The following DEPTOR variants were observed in gnomAD, a reference collection of about 807,000 sequenced individuals.
DEPTOR encodes the protein DEP domain-containing mTOR-interacting protein.
Under a neutral mutation model 41.6 loss-of-function variants are expected in DEPTOR, and 41 were observed. That is an observed-to-expected ratio of 0.98 (90% CI 0.77 to 1.28). DEPTOR has a LOEUF of 1.28. Among genes scored for constraint, DEPTOR ranks in the 50% most tolerant of loss-of-function variants. DEPTOR has a pLI of 0.00. For missense variants in DEPTOR, 514 were observed against 527.9 expected (o/e 0.97, Z 0.26); for synonymous variants, 195 against 192.3 (o/e 1.01, Z -0.12).
chr8:119,900,930 G>A (rs1256051770), intron 1 of DEPTOR, among the ~76,000 whole-genome samples: 1 of 152,112 alleles, frequency 6.6e-6, no homozygotes, highest in Non-Finnish European at 1.5e-5. Flanking sequence ...TCTAGGCATA[G>A]AGTAGAATAT....
intron 3 of DEPTOR, among the ~76,000 whole-genome samples, chr8:119,941,581 AGAG>A (rs1257629503): frequency 6.6e-6 from 1 of 152,158 alleles, no homozygotes; most frequent in Non-Finnish European, 1.5e-5. Context: ...GTTTTTGATC[AGAG>A]GAGTTGAAGA....
intron 4 of DEPTOR, among the ~76,000 whole-genome samples, chr8:119,994,577 A>G (rs950351709): frequency 3.9e-5 from 6 of 152,082 alleles, no homozygotes; most frequent in Non-Finnish European, 8.8e-5. Context: ...TACGTTTTTC[A>G]TAGGTAAAAG....
chr8:119,927,887 A>G (rs1827982964), intron 1 of DEPTOR, among the ~76,000 whole-genome samples: 3 of 152,020 alleles, frequency 2.0e-5, no homozygotes. Flanking sequence ...GATTACAGAT[A>G]TGAGCCACCA....
chr8:119,898,172 A>G (rs555894774), intron 1 of DEPTOR, among the ~76,000 whole-genome samples: 2 of 152,336 alleles, frequency 1.3e-5, no homozygotes, highest in East Asian at 3.9e-4. Flanking sequence ...TAGTTGCAAC[A>G]GAAATTGTGT....
At chr8:119,981,652 C>CAAAAAA (rs33975978) in intron 4 of DEPTOR, among the ~76,000 whole-genome samples, 1 of 136,878 alleles carries the variant, frequency 7.3e-6, no homozygotes, top group Non-Finnish European at 1.5e-5. Context: ...GACCCTATCT[C>CAAAAAA]AAAAAAAAAA....
chr8:119,981,236 C>G, intron 4 of DEPTOR, among the ~76,000 whole-genome samples: 1 of 152,194 alleles, frequency 6.6e-6, no homozygotes, highest in East Asian at 1.9e-4. Flanking sequence ...ACTGAATTAA[C>G]ACCAAATTCT....
At chr8:119,972,494 G>A (rs1828645419) in intron 4 of DEPTOR, among the ~76,000 whole-genome samples, 2 of 151,966 alleles carry the variant, frequency 1.3e-5, no homozygotes, top group Non-Finnish European at 2.9e-5. Flanking sequence ...GTGGTAGCAT[G>A]TGCCGGTAGT....
At chr8:119,882,332 T>C (rs1222355372) in intron 1 of DEPTOR, among the ~76,000 whole-genome samples, 1 of 152,160 alleles carries the variant, frequency 6.6e-6, no homozygotes. Flanking sequence ...TCCTGTTGTG[T>C]TATTTCTTTT....
chr8:120,014,359 A>C (rs553246026), intron 8 of DEPTOR, among the ~76,000 whole-genome samples: 1 of 152,248 alleles, frequency 6.6e-6, no homozygotes, highest in South Asian at 2.1e-4. Flanking sequence ...TGTCTCTTCT[A>C]TGTACCTGAC....
In DEPTOR at chr8:119,970,593, G is replaced by A. The variant is rs141385669; in HGVS notation, c.604+5183G>A. Among the ~76,000 whole-genome samples, 448 of 152,174 alleles carry A rather than the reference G, an allele frequency of 2.9e-3. 8 individuals are homozygous for A. Among genetic ancestry groups the A allele is most frequent in the Non-Finnish European group, 2.2e-3 (149 of 68,012 alleles). On this transcript the variant is annotated intron_variant, in intron 4 of 8. Coordinates refer to ENST00000286234, the MANE Select transcript of DEPTOR (RefSeq NM_022783.4). ...GCATCTTATAACTTTCCCATTCCTC[G>A]GATTTTGAAACTATAAAATTAGAGT... is the stretch of plus-strand genomic sequence containing the variant.
chr8:120,000,943 G>A (rs928982561), intron 4 of DEPTOR, among the ~76,000 whole-genome samples: 1 of 151,858 alleles, frequency 6.6e-6, no homozygotes, highest in Non-Finnish European at 1.5e-5. Context: ...CAGGTGTGGT[G>A]GTGGGCACCT....
chr8:119,927,570 C>CATATATATATACATATATATT (rs1353736859), intron 1 of DEPTOR, among the ~76,000 whole-genome samples: 2 of 146,870 alleles, frequency 1.4e-5, no homozygotes, highest in Non-Finnish European at 3.0e-5. Flanking sequence ...CACATATATA[C>CATATATATATACATATATATT]ATATATATAT....
intron 1 of DEPTOR, among the ~76,000 whole-genome samples, chr8:119,926,480 T>A (rs1189912736): frequency 6.6e-6 from 1 of 152,240 alleles, no homozygotes; most frequent in Non-Finnish European, 1.5e-5. Flanking sequence ...CCTCTAAAAT[T>A]TGAATTATAG....
At chr8:119,991,048 T>TTCTTTCTTTCTG (rs1812154949) in intron 4 of DEPTOR, among the ~76,000 whole-genome samples, 1 of 24,812 alleles carries the variant, frequency 4.0e-5, no homozygotes, top group African/African-American at 1.6e-4. Context: ...CTTTCTTTCT[T>TTCTTTCTTTCTG]TCTTTCTTTC....
chr8:119,980,822 T>G (rs1470327881), intron 4 of DEPTOR, among the ~76,000 whole-genome samples: 1 of 152,072 alleles, frequency 6.6e-6, no homozygotes. Context: ...CCAGCCGCAT[T>G]TCATTTTTCA....
intron 4 of DEPTOR, among the ~76,000 whole-genome samples, chr8:119,982,182 A>G (rs1224232252): frequency 1.3e-5 from 2 of 152,084 alleles, no homozygotes; most frequent in African/African-American, 2.4e-5. Context: ...TGCTTTGGAT[A>G]AAAGAATACA....
At chr8:119,881,990 G>A (rs145998421) in intron 1 of DEPTOR, among the ~76,000 whole-genome samples, 2,835 of 152,150 alleles carry the variant, frequency 0.019, 87 homozygotes, top group African/African-American at 0.064. Flanking sequence ...TCCCAGGTTC[G>A]AGTGATTGTC....
intron 8 of DEPTOR, among the ~76,000 whole-genome samples, chr8:120,032,636 C>T (rs1418975138): frequency 1.3e-5 from 2 of 152,134 alleles, no homozygotes; most frequent in Non-Finnish European, 2.9e-5. Context: ...TCAGTAGGGC[C>T]ATCAGCTGGG....
chr8:120,020,998 G>A (rs1489358035), intron 8 of DEPTOR, among the ~76,000 whole-genome samples: 1 of 150,512 alleles, frequency 6.6e-6, no homozygotes, highest in East Asian at 1.9e-4. Context: ...GGCAGAGGTT[G>A]CAGTGAGCTG....
Sources: gnomAD v4.1 joint callset for allele counts (sites outside exome capture counted in the v4.1 genomes callset) on GRCh38, gnomAD v4.1.1 for gene constraint, MANE v1.5 for transcripts, NCBI Gene and HGNC (gene_info 2026-07-23, HGNC 2026-07-21) for gene names.